Variants in STAT4 observed in about 807,000 individuals in gnomAD.
The protein encoded by STAT4 is signal transducer and activator of transcription 4.
STAT4 carries 42 observed loss-of-function variants against 110.5 expected under a neutral mutation model. The ratio of observed to expected loss-of-function variants is 0.38; its 90% CI spans 0.30 to 0.49. STAT4 has a LOEUF of 0.49. Among genes scored for constraint, STAT4 ranks in the 20% least tolerant of loss-of-function variants. The probability of loss-of-function intolerance (pLI) is 0.95; values close to 1 mark genes in which losing one functional copy is unlikely to be tolerated. For missense variants in STAT4, 632 were observed against 887.9 expected, an observed-to-expected ratio of 0.71 and a Z score of 3.66; for synonymous variants, 284 against 302.2, an observed-to-expected ratio of 0.94 and a Z score of 0.63.
chr2:191,040,852 C>G (rs1424429757), intron 15 of STAT4, among the ~76,000 whole-genome samples: 2 of 152,226 alleles, frequency 1.3e-5, no homozygotes, highest in African/African-American at 4.8e-5. Flanking sequence ...ATGTGAGCCA[C>G]TGCACCCAGC....
At chr2:191,145,078 T>A (rs1327399813) in intron 3 of STAT4, among the ~76,000 whole-genome samples, 1 of 152,142 alleles carries the variant, frequency 6.6e-6, no homozygotes, top group African/African-American at 2.4e-5. Context: ...GCCAGATAAA[T>A]GTGATATACA....
chr2:191,121,771 TG>T (rs948447303), intron 3 of STAT4, among the ~76,000 whole-genome samples: 5 of 31,896 alleles, frequency 1.6e-4, no homozygotes, highest in Non-Finnish European at 2.9e-4. Flanking sequence ...GGGCCTGTTG[TG>T]GGGTGGGGGG....
chr2:191,124,417 T>G (rs1161858780), intron 3 of STAT4, among the ~76,000 whole-genome samples: 1 of 134,126 alleles, frequency 7.5e-6, no homozygotes, highest in African/African-American at 2.9e-5. Context: ...ATAGCACCAC[T>G]GCACTCCAGC....
In STAT4 at chr2:191,083,935, C is replaced by T. The variant is rs1397981054; in HGVS notation, c.274-7610G>A. Among the ~76,000 whole-genome samples, 1 of 152,022 alleles carries T rather than the reference C, an allele frequency of 6.6e-6. No homozygotes were observed. The highest frequency in any genetic ancestry group is 1.5e-5 in the Non-Finnish European group (1 of 68,018). Reference sequence around the variant, plus strand: ...TGTCTTCAGAATTTAGACATTTGGCCTAAATTAGTCCGTCTTTGATAGGTG... The same window carrying T: ...TGTCTTCAGAATTTAGACATTTGGCTTAAATTAGTCCGTCTTTGATAGGTG... On this transcript the variant is annotated intron_variant, in intron 3 of 23. Coordinates refer to ENST00000392320, the MANE Select transcript of STAT4 (RefSeq NM_003151.4). The surrounding 1 kb of genome is among the most constrained non-coding windows in gnomAD (Gnocchi z 4.6).
At chr2:191,093,831 T>C (rs1697879312) in intron 3 of STAT4, among the ~76,000 whole-genome samples, 1 of 152,166 alleles carries the variant, frequency 6.6e-6, no homozygotes, top group Non-Finnish European at 1.5e-5. Flanking sequence ...GTGAGGAAGC[T>C]AAAAACCTTG....
Position 191,050,677 on chromosome 2 carries a change from T to C in STAT4, c.1251+3813A>G, listed in dbSNP as rs1327819961. Among the ~76,000 whole-genome samples, 1 of 152,094 alleles carries C rather than the reference T, an allele frequency of 6.6e-6. No individual in the cohort carries two copies. Among genetic ancestry groups the C allele is most frequent in the African/African-American group, 2.4e-5 (1 of 41,414 alleles). On this transcript the variant is annotated intron_variant, in intron 14 of 23. Coordinates refer to ENST00000392320, the MANE Select transcript of STAT4 (RefSeq NM_003151.4). This position sits in a 1 kb window ranked among gnomAD's most constrained non-coding sequence, Gnocchi z 4.3. ...TGTAAATATATAAAATAAAGCTGCCTTGATAGAAACAGGCATGAGGGAGCC... is the reference window on the plus strand; with the variant it reads ...TGTAAATATATAAAATAAAGCTGCCCTGATAGAAACAGGCATGAGGGAGCC...
intron 3 of STAT4, among the ~76,000 whole-genome samples, chr2:191,130,320 T>C (rs1698999240): frequency 6.6e-6 from 1 of 151,136 alleles, no homozygotes; most frequent in Non-Finnish European, 1.5e-5. Flanking sequence ...GTTCCTGGGT[T>C]CACGCCATTC....
chr2:191,091,881 G>T lies in STAT4; in HGVS notation c.274-15556C>A, dbSNP rs1697807444. Among the ~76,000 whole-genome samples, 1 of 152,060 alleles carries T rather than the reference G, an allele frequency of 6.6e-6. No homozygotes were observed. The highest frequency in any genetic ancestry group is 1.5e-5 in the Non-Finnish European group (1 of 68,028). On this transcript the variant is annotated intron_variant, in intron 3 of 23. Transcript: ENST00000392320. The surrounding 1 kb of genome is among the most constrained non-coding windows in gnomAD (Gnocchi z 5.4). ...CATTGTCTCTAAGCTGAAGGGAGGAGAACTTGTCTTATAATATATTGAAAT... is the reference window on the plus strand; with the variant it reads ...CATTGTCTCTAAGCTGAAGGGAGGATAACTTGTCTTATAATATATTGAAAT...
chr2:191,076,136 G>C, intron 4 of STAT4, 91 bp downstream of exon 4: 1 of 1,050,756 alleles, frequency 9.5e-7, no homozygotes, highest in Non-Finnish European at 1.5e-6. Context: ...TTACAGGTGT[G>C]AGCCACTGTA....
In STAT4 at chr2:191,042,743, TA is replaced by T; in HGVS notation, c.1252-1596del. 6.6e-6 allele frequency among the ~76,000 whole-genome samples: 1 copy of T among 152,162 alleles called. No homozygotes were observed. The highest frequency in any genetic ancestry group is 1.9e-4 in the East Asian group (1 of 5,168). ...GCAAAATATTAATCATTGTTGAAGT[TA>T]GGTGATGCTTAAATTCATTCATTGT... On this transcript the variant is annotated intron_variant, in intron 14 of 23. Transcript: ENST00000392320. The surrounding 1 kb of genome is among the most constrained non-coding windows in gnomAD (Gnocchi z 4.2).
At chr2:191,088,783 T>C (rs898522289) in intron 3 of STAT4, among the ~76,000 whole-genome samples, 2 of 152,170 alleles carry the variant, frequency 1.3e-5, no homozygotes, top group African/African-American at 4.8e-5. Context: ...GTAAATGTAC[T>C]TAACTGACTT....
rs1455675657 is a variant in STAT4 at position 191,037,825 on chromosome 2, G to C, written c.1434+1374C>G. ...GAACCTGAGAATGGTGCCTGGAAAA[G>C]TGACCAGAAAGCACAGAATACAATC... On this transcript the variant is annotated intron_variant, in intron 16 of 23. Transcript: ENST00000392320. This position sits in a 1 kb window ranked among gnomAD's most constrained non-coding sequence, Gnocchi z 4.8. Among the ~76,000 whole-genome samples the C allele has an allele frequency of 6.6e-6, 1 of 152,200 alleles. No individual in the cohort carries two copies. Among genetic ancestry groups the C allele is most frequent in the African/African-American group, 2.4e-5 (1 of 41,452 alleles).
At chr2:191,136,648 G>C (rs1221870763) in intron 3 of STAT4, among the ~76,000 whole-genome samples, 1 of 152,162 alleles carries the variant, frequency 6.6e-6, no homozygotes, top group Non-Finnish European at 1.5e-5. Flanking sequence ...CTACTCAGGA[G>C]GCTGATGCAG....
intron 3 of STAT4, among the ~76,000 whole-genome samples, chr2:191,137,658 A>T (rs1160531818): frequency 1.3e-5 from 2 of 152,228 alleles, no homozygotes; most frequent in Non-Finnish European, 2.9e-5. Context: ...TGTTACTGGT[A>T]TAAAAACAGA....
In STAT4 at chr2:191,035,847, G is replaced by C. The variant is rs1696028943; in HGVS notation, c.1570+317C>G. 6.6e-6 allele frequency among the ~76,000 whole-genome samples: 1 copy of C among 152,188 alleles called. No homozygotes were observed. Among genetic ancestry groups the C allele is most frequent in the African/African-American group, 2.4e-5 (1 of 41,446 alleles). On this transcript the variant is annotated intron_variant, in intron 17 of 23. Coordinates refer to ENST00000392320, the MANE Select transcript of STAT4 (RefSeq NM_003151.4). The surrounding 1 kb of genome is among the most constrained non-coding windows in gnomAD (Gnocchi z 4.7). ...GGAGACTGGGGTGGGGAATAGACAA[G>C]GAGGGGCTTTAGACCTGGACAGGTC...
intron 3 of STAT4, chr2:191,132,040 G>A (rs1478538479): frequency 9.2e-7 from 1 of 1,091,222 alleles, no homozygotes; most frequent in African/African-American, 1.7e-5. Context: ...CATAACTGAA[G>A]AGAAACGTTT....
chr2:191,123,752 T>A (rs1574178641), intron 3 of STAT4, among the ~76,000 whole-genome samples: 3 of 152,324 alleles, frequency 2.0e-5, no homozygotes, highest in Middle Eastern at 6.8e-3. Flanking sequence ...TGGTTGTTCA[T>A]CCTCATGTTT....
At position 191,061,919 on chromosome 2, in the gene STAT4, A is replaced by T. The variant is rs1038078402; in HGVS notation, c.942-98T>A. On this transcript the variant is annotated intron_variant, in intron 9 of 23. Transcript: ENST00000392320. This position sits in a 1 kb window ranked among gnomAD's most constrained non-coding sequence, Gnocchi z 6.2. ...AGGATGCTATCCACTCAAAGTCCAA[A>T]TTTTCTACACTTAGAAGATATTCAA... The T allele has an allele frequency of 3.7e-5, 38 of 1,037,504 alleles. No individual in the cohort carries two copies. Among genetic ancestry groups the T allele is most frequent in the Non-Finnish European group, 2.8e-5 (19 of 681,166 alleles). The allele number at this position is 1,037,504 out of a possible 1,614,324, so 64.3% of individuals were successfully genotyped here.
chr2:191,133,662 C>T (rs1373706934), intron 3 of STAT4, among the ~76,000 whole-genome samples: 1 of 151,430 alleles, frequency 6.6e-6, no homozygotes, highest in Non-Finnish European at 1.5e-5. Context: ...TATGAATATG[C>T]ACTATTTTTA....
Sources: allele counts gnomAD v4.1 joint callset (sites outside exome capture counted in the v4.1 genomes callset), GRCh38; gene constraint gnomAD v4.1.1; non-coding constraint Gnocchi (gnomAD v3.1); transcripts MANE v1.5; gene names NCBI Gene and HGNC (gene_info 2026-07-23, HGNC 2026-07-21).